The following SLC4A4 variants were observed in gnomAD, a reference collection of about 807,000 sequenced individuals.
The protein encoded by SLC4A4 is electrogenic sodium bicarbonate cotransporter 1.
Under a neutral mutation model 111.5 loss-of-function variants are expected in SLC4A4, and 27 were observed. The observed-to-expected ratio is 0.24, with a 90% CI of 0.18 to 0.33. SLC4A4 has a LOEUF of 0.33. Ranked by LOEUF, SLC4A4 falls within the 10% of genes least tolerant of loss-of-function variation. SLC4A4 has a pLI of 1.00. For synonymous variants in SLC4A4, 443 were observed against 463.4 expected, an observed-to-expected ratio of 0.96 and a Z score of 0.57; for missense variants, 909 against 1,315.5, an observed-to-expected ratio of 0.69 and a Z score of 4.78.
chr4:71,548,974 T>C (rs975329580), intron 20 of SLC4A4, among the ~76,000 whole-genome samples: 9 of 151,984 alleles, frequency 5.9e-5, no homozygotes, highest in African/African-American at 2.2e-4. Context: ...TCATCTTTTT[T>C]CCTTGGTTTC....
intron 3 of SLC4A4, among the ~76,000 whole-genome samples, chr4:71,295,954 C>A (rs1451084917): frequency 6.6e-6 from 1 of 151,572 alleles, no homozygotes; most frequent in East Asian, 2.0e-4. Flanking sequence ...ACCACCGTGC[C>A]TGGCCTCAGT....
intron 7 of SLC4A4, among the ~76,000 whole-genome samples, chr4:71,414,561 G>A (rs1721673523): frequency 6.6e-6 from 1 of 152,148 alleles, no homozygotes; most frequent in Non-Finnish European, 1.5e-5. Context: ...TACCATGCAT[G>A]CCTTGAACTT....
intron 5 of SLC4A4, among the ~76,000 whole-genome samples, chr4:71,355,706 G>A (rs914385478): frequency 6.6e-6 from 1 of 152,178 alleles, no homozygotes; most frequent in Non-Finnish European, 1.5e-5. Flanking sequence ...CCAATTCTGT[G>A]AGTGTTTAGA....
chr4:71,065,559 G>A (rs1741497523), intron 1 of SLC4A4, among the ~76,000 whole-genome samples: 1 of 152,110 alleles, frequency 6.6e-6, no homozygotes, highest in South Asian at 2.1e-4. Context: ...ACAGGAAAAG[G>A]ACAGAAAGAT....
chr4:71,218,432 G>A (rs976656422), intron 1 of SLC4A4, among the ~76,000 whole-genome samples: 6 of 152,024 alleles, frequency 3.9e-5, no homozygotes, highest in African/African-American at 1.4e-4. Flanking sequence ...CTTAATTTTG[G>A]AATGCCATCA....
chr4:71,407,159 C>T (rs969233771), intron 7 of SLC4A4, among the ~76,000 whole-genome samples: 13 of 152,054 alleles, frequency 8.5e-5, no homozygotes, highest in Admixed American at 5.2e-4. Flanking sequence ...CGTATTCAAT[C>T]GAAGTTTCTG....
At chr4:71,124,183 T>A (rs1456536658) in intron 2 of SLC4A4, among the ~76,000 whole-genome samples, 1 of 151,416 alleles carries the variant, frequency 6.6e-6, no homozygotes, top group Non-Finnish European at 1.5e-5. Flanking sequence ...ACTTTTTTTT[T>A]TTTTTTTTGT....
At chr4:71,351,992 G>A (rs954811620) in intron 5 of SLC4A4, among the ~76,000 whole-genome samples, 2 of 152,134 alleles carry the variant, frequency 1.3e-5, no homozygotes, top group African/African-American at 4.8e-5. Context: ...TCTGATATAT[G>A]AGAAGAGATC....
intron 16 of SLC4A4, among the ~76,000 whole-genome samples, 158 bp from the exon 17 acceptor site, chr4:71,531,903 TA>T (rs1408036207): frequency 6.6e-6 from 1 of 152,052 alleles, no homozygotes; most frequent in East Asian, 1.9e-4. Flanking sequence ...AAAACAATTT[TA>T]AAAATAATTT....
chr4:71,393,131 C>A (rs1719470210), intron 6 of SLC4A4, among the ~76,000 whole-genome samples: 1 of 152,014 alleles, frequency 6.6e-6, no homozygotes, highest in African/African-American at 2.4e-5. Flanking sequence ...CCACTTTCAC[C>A]ACCCCTCTTC....
At position 71,068,636 on chromosome 4, in the gene SLC4A4, C is replaced by T. The variant is rs139506065; in HGVS notation, c.-65+5848C>T. On this transcript the variant is annotated intron_variant, in intron 1 of 26. Transcript: ENST00000649996. Reference sequence around the variant, plus strand: ...GTGGCGGGATCACCGCTCACTGCAACCTGCAACCTCCGCCTCTCAGTGTCA... The same window carrying T: ...GTGGCGGGATCACCGCTCACTGCAATCTGCAACCTCCGCCTCTCAGTGTCA... 2.7e-3 allele frequency among the ~76,000 whole-genome samples: 407 copies of T among 151,784 alleles called. 3 individuals carry two copies. Among genetic ancestry groups the T allele is most frequent in the African/African-American group, 9.5e-3 (394 of 41,372 alleles).
rs537159434 is a variant in SLC4A4 at position 71,193,994 on chromosome 4, T to C, written c.-2+6593T>C. On this transcript the variant is annotated intron_variant, in intron 1 of 25. Transcript: ENST00000264485. Reference sequence around the variant, plus strand: ...AAATAAAAAACCCAAACCAAAACAATATTAAATAACTTTAATACAGTACTC... The same window carrying C: ...AAATAAAAAACCCAAACCAAAACAACATTAAATAACTTTAATACAGTACTC... 2.0e-5 allele frequency among the ~76,000 whole-genome samples: 3 copies of C among 152,316 alleles called. No individual in the cohort carries two copies. In the South Asian group the frequency reaches 6.2e-4, roughly 32 times the overall value.
intron 6 of SLC4A4, among the ~76,000 whole-genome samples, chr4:71,387,740 C>T (rs980922486): frequency 3.1e-4 from 47 of 152,080 alleles, no homozygotes; most frequent in Non-Finnish European, 2.9e-4. Context: ...GTGATCTGCC[C>T]GCCTCGGCCT....
chr4:71,117,509 A>G (rs532468297), intron 2 of SLC4A4, among the ~76,000 whole-genome samples: 1 of 152,210 alleles, frequency 6.6e-6, no homozygotes, highest in Non-Finnish European at 1.5e-5. Context: ...GCTATTTTTT[A>G]TAGAGGTTTA....
chr4:71,127,305 GTCTC>G (rs147817926), intron 2 of SLC4A4, among the ~76,000 whole-genome samples: 3,158 of 152,270 alleles, frequency 0.021, 118 homozygotes, highest in African/African-American at 0.073. Flanking sequence ...TGGCAAATGT[GTCTC>G]TATCTTCAAA....
chr4:71,167,650 A>T (rs560782738), intron 2 of SLC4A4, among the ~76,000 whole-genome samples: 14 of 152,328 alleles, frequency 9.2e-5, no homozygotes, highest in African/African-American at 3.4e-4. Context: ...TTAGAATTGG[A>T]TGTCTAATAG....
chr4:71,090,039 T>G (rs1742332620), intron 1 of SLC4A4, among the ~76,000 whole-genome samples: 1 of 151,772 alleles, frequency 6.6e-6, no homozygotes, highest in Admixed American at 6.6e-5. Flanking sequence ...TGTGGTGGGC[T>G]CCACCCAGTT....
At chr4:71,191,454 TG>T (rs1204237272) in intron 1 of SLC4A4, among the ~76,000 whole-genome samples, 2 of 152,212 alleles carry the variant, frequency 1.3e-5, no homozygotes, top group Non-Finnish European at 2.9e-5. Flanking sequence ...TACAAATTAT[TG>T]GTGGAGGTAG....
chr4:71,290,152 G>T (rs1408375458), intron 3 of SLC4A4, among the ~76,000 whole-genome samples: 5 of 152,144 alleles, frequency 3.3e-5, no homozygotes, highest in Admixed American at 2.0e-4. Flanking sequence ...GAGATGACCG[G>T]TCAGTTACTA....
Sources: gnomAD v4.1 joint callset for allele counts (sites outside exome capture counted in the v4.1 genomes callset) on GRCh38, gnomAD v4.1.1 for gene constraint, MANE v1.5 for transcripts, NCBI Gene and HGNC (gene_info 2026-07-23, HGNC 2026-07-21) for gene names.